Variants in TOX2 observed in about 807,000 individuals in gnomAD.
TOX2 encodes granulosa cell HMG box 1.
A neutral mutation model predicts 47.4 loss-of-function variants in TOX2; 15 were observed. The observed-to-expected ratio is 0.32, with a 90% CI of 0.21 to 0.49. TOX2 has a LOEUF of 0.49. TOX2 is among the 20% of genes least tolerant of loss of function. TOX2 has a pLI of 0.99. For synonymous variants in TOX2, 290 were observed against 296.6 expected (o/e 0.98, Z 0.23); for missense variants, 622 against 673.1 (o/e 0.92, Z 0.84).
intron 3 of TOX2, among the ~76,000 whole-genome samples, chr20:44,044,082 G>T (rs917657027): frequency 6.6e-5 from 10 of 151,874 alleles, no homozygotes; most frequent in African/African-American, 2.2e-4. Flanking sequence ...ATACACCATG[G>T]AATACTATGC....
chr20:43,958,531 C>T (rs1193191181), intron 1 of TOX2, among the ~76,000 whole-genome samples: 1 of 152,208 alleles, frequency 6.6e-6, no homozygotes, highest in Non-Finnish European at 1.5e-5. Flanking sequence ...GCTTTATCAC[C>T]CCCCTCCAGG....
intron 4 of TOX2, 79 bp from the exon 5 acceptor site, chr20:44,054,220 C>T (rs995748944): frequency 3.0e-5 from 43 of 1,454,824 alleles, no homozygotes; most frequent in South Asian, 8.6e-5. Context: ...AAGTGCAGCT[C>T]GGCCCAAGTC....
chr20:43,917,476 T>A (rs1442741817), intron 1 of TOX2, among the ~76,000 whole-genome samples: 1 of 152,092 alleles, frequency 6.6e-6, no homozygotes, highest in Non-Finnish European at 1.5e-5. Context: ...CACCCACACA[T>A]GGGGGGCTCT....
intron 3 of TOX2, among the ~76,000 whole-genome samples, chr20:44,030,659 C>T (rs1438768236): frequency 6.6e-6 from 1 of 152,194 alleles, no homozygotes; most frequent in Non-Finnish European, 1.5e-5. Flanking sequence ...ACCACTGTGA[C>T]TGTGTATTGA....
chr20:43,980,087 C>T (rs1445673984), intron 2 of TOX2, among the ~76,000 whole-genome samples: 1 of 152,150 alleles, frequency 6.6e-6, no homozygotes, highest in East Asian at 1.9e-4. Context: ...ATGTTTGTTG[C>T]AGCACTGTTC....
chr20:43,999,370 A>G (rs1400520108), intron 2 of TOX2, among the ~76,000 whole-genome samples: 4 of 152,164 alleles, frequency 2.6e-5, no homozygotes, highest in Non-Finnish European at 5.9e-5. Context: ...AATATTTAAT[A>G]AATTAATTCA....
intron 1 of TOX2, among the ~76,000 whole-genome samples, chr20:43,926,149 C>T (rs992981847): frequency 1.3e-5 from 2 of 152,166 alleles, no homozygotes; most frequent in Non-Finnish European, 2.9e-5. Context: ...TTTATTGTTT[C>T]ATCATGCTGT....
At chr20:43,945,814 T>C in intron 1 of TOX2, 1 of 1,498,374 alleles carries the variant, frequency 6.7e-7, no homozygotes, top group Non-Finnish European at 9.1e-7. Context: ...GGATGGGGGG[T>C]GGGGGTGCTG....
chr20:43,972,143 G>C (rs1240651208), intron 1 of TOX2, among the ~76,000 whole-genome samples: 1 of 152,196 alleles, frequency 6.6e-6, no homozygotes, highest in Non-Finnish European at 1.5e-5. Flanking sequence ...CTCACAGCCA[G>C]TATAGTTCTC....
chr20:43,932,455 C>T (rs947161694), intron 1 of TOX2, among the ~76,000 whole-genome samples: 1 of 152,178 alleles, frequency 6.6e-6, no homozygotes, highest in Non-Finnish European at 1.5e-5. Context: ...TATCTTCAAT[C>T]AGACAGCAAA....
chr20:44,045,819 A>C (rs1186192526), intron 3 of TOX2, among the ~76,000 whole-genome samples: 2 of 152,248 alleles, frequency 1.3e-5, no homozygotes. Context: ...CAAGTCAGGA[A>C]TATCTGATGG....
intron 1 of TOX2, among the ~76,000 whole-genome samples, chr20:43,929,997 T>G (rs1279465902): frequency 1.3e-5 from 2 of 152,232 alleles, no homozygotes; most frequent in African/African-American, 2.4e-5. Context: ...CGTGAGCCAA[T>G]GCGCCCAGCT....
At chr20:43,997,184 G>A (rs1376521584) in intron 2 of TOX2, among the ~76,000 whole-genome samples, 1 of 152,168 alleles carries the variant, frequency 6.6e-6, no homozygotes, top group Non-Finnish European at 1.5e-5. Context: ...ATGGCAGCCT[G>A]AGAACTTTCA....
chr20:44,028,357 G>A (rs1184394553), intron 3 of TOX2, among the ~76,000 whole-genome samples: 2 of 152,166 alleles, frequency 1.3e-5, no homozygotes, highest in Non-Finnish European at 2.9e-5. Context: ...GGCTGGACTG[G>A]TTCTGGGAGA....
chr20:44,026,250 G>GATATATATATATATATATATATAT (rs1358438826), intron 3 of TOX2, among the ~76,000 whole-genome samples: 1 of 82,958 alleles, frequency 1.2e-5, no homozygotes, highest in East Asian at 3.9e-4. Flanking sequence ...TATATATATA[G>GATATATATATATATATATATATAT]ACACACACAC....
intron 1 of TOX2, among the ~76,000 whole-genome samples, chr20:43,942,448 C>A (rs990600801): frequency 6.6e-6 from 1 of 152,126 alleles, no homozygotes; most frequent in African/African-American, 2.4e-5. Context: ...GAGGCCAAGA[C>A]GGGAGGATTG....
chr20:43,926,097 A>T (rs2069163643), intron 1 of TOX2, among the ~76,000 whole-genome samples: 1 of 152,074 alleles, frequency 6.6e-6, no homozygotes, highest in African/African-American at 2.4e-5. Context: ...AAATGAATCG[A>T]CTCAGTAGTA....
intron 2 of TOX2, among the ~76,000 whole-genome samples, chr20:43,986,779 G>A (rs2070275150): frequency 6.6e-6 from 1 of 152,130 alleles, no homozygotes; most frequent in Non-Finnish European, 1.5e-5. Flanking sequence ...GCCTTCGTAT[G>A]TTCAGGCCAG....
intron 3 of TOX2, among the ~76,000 whole-genome samples, chr20:44,017,416 C>A (rs940245547): frequency 1.3e-5 from 2 of 152,138 alleles, no homozygotes; most frequent in East Asian, 3.9e-4. Flanking sequence ...TTCCCTGGGG[C>A]TGTTATTTCG....
Sources: gnomAD v4.1 joint callset for allele counts (sites outside exome capture counted in the v4.1 genomes callset) on GRCh38, gnomAD v4.1.1 for gene constraint, MANE v1.5 for transcripts, NCBI Gene and HGNC (gene_info 2026-07-23, HGNC 2026-07-21) for gene names.